VPS35: variants seen among roughly 807,000 people sequenced by gnomAD.
The protein encoded by VPS35 is vacuolar protein sorting-associated protein 35.
A neutral mutation model predicts 98.1 loss-of-function variants in VPS35; 21 were observed. The ratio of observed to expected loss-of-function variants is 0.21; its 90% CI spans 0.15 to 0.31. The LOEUF (loss-of-function observed/expected upper bound fraction) is 0.31. Among genes scored for constraint, VPS35 ranks in the 10% least tolerant of loss-of-function variants. The pLI is 1.00. For synonymous variants in VPS35, 268 were observed against 318.2 expected, an observed-to-expected ratio of 0.84 and a Z score of 1.68; for missense variants, 554 against 950.8, an observed-to-expected ratio of 0.58 and a Z score of 5.49.
In VPS35 at chr16:46,661,519, C is replaced by G; in HGVS notation, c.2211+199G>C. The G allele has an allele frequency of 1.1e-5, 6 of 538,340 alleles. No homozygotes were observed. Among genetic ancestry groups the G allele is most frequent in the Non-Finnish European group, 1.3e-5 (4 of 318,966 alleles). 33.3% of individuals were successfully genotyped at this position (538,340 alleles called of 1,614,324 possible). On this transcript the variant is annotated intron_variant, in intron 16 of 16. Transcript: ENST00000299138. This position sits in a 1 kb window ranked among gnomAD's most constrained non-coding sequence, Gnocchi z 4.3. ...TGCTGGGATTACAGGCATGAGCCAC[C>G]ACGCCCAGCCTAGGAATTATCTTAA...
chr16:46,669,040 C>T lies in VPS35; in HGVS notation c.1537G>A (p.Ala513Thr), dbSNP rs1966030135. 6.2e-7 allele frequency: 1 copy of T among 1,614,080 alleles called. No homozygotes were observed. Among genetic ancestry groups the T allele is most frequent in the African/African-American group, 1.3e-5 (1 of 75,042 alleles). ...CCACCAGCTCCAAAATGTTTTCGTG[C>T]TGTGTTCAAAATCTGACCCAAAAGC... ...PDQQYLILNT[A>T]RKHFGAGGNQ... The change falls in exon 13 of 17, where the codon GCA (alanine) becomes ACA (threonine). Residue 513 changes from alanine (A) to threonine (T), a missense_variant. Around this residue, in one of 5 missense-constraint regions of VPS35, gnomAD observed 254 missense variants for 390.1 expected, o/e 0.65. Transcript: ENST00000299138.
chr16:46,663,132 T>C lies in VPS35; in HGVS notation c.1678A>G (p.Ile560Val). 1.2e-6 allele frequency: 2 copies of C among 1,614,120 alleles called. No individual in the cohort carries two copies. Among genetic ancestry groups the C allele is most frequent in the Non-Finnish European group, 1.7e-6 (2 of 1,180,004 alleles). The stretch of plus-strand genomic sequence containing the variant: ...ATAGTCTGGTGGGCAAATGAAAAAA[T>C]CTTCTGGCATTTCTTTTCCCATTTG... Reference protein sequence around the residue: ...DDKWEKKCQKIFSFAHQTISA... With the variant: ...DDKWEKKCQKVFSFAHQTISA... The change falls in exon 14 of 17, where the codon ATT becomes GTT. Residue 560 changes from isoleucine to valine, a missense_variant. Ile to Val is a conservative substitution (Grantham distance 29, BLOSUM62 3). Coordinates refer to ENST00000299138, the MANE Select transcript of VPS35 (RefSeq NM_018206.6).
At chr16:46,669,209 G>T in intron 12 of VPS35, 157 bp from the exon 13 acceptor site, 2 of 930,612 alleles carry the variant, frequency 2.1e-6, no homozygotes, top group Non-Finnish European at 3.3e-6. Flanking sequence ...ATCTCCTCAA[G>T]TTGTCACAAC....
In VPS35 at chr16:46,674,326, A is replaced by G. The variant is rs770335442; in HGVS notation, c.1148T>C (p.Leu383Pro). 1.9e-6 allele frequency: 3 copies of G among 1,614,084 alleles called. No individual in the cohort carries two copies. The highest frequency in any genetic ancestry group is 1.7e-6 in the Non-Finnish European group (2 of 1,179,994). Reference sequence around the variant, plus strand: ...GTAACTGACTTACTGTTCAAGGTTGAGCTTATTGAATATCTCCACTGTTGT... The same window carrying G: ...GTAACTGACTTACTGTTCAAGGTTGGGCTTATTGAATATCTCCACTGTTGT... The part of the protein sequence containing the change: ...LETTVEIFNK[L>P]NLEHIATSSA... The change falls in exon 10 of 17, where the codon CTC (leucine) becomes CCC (proline). Residue 383 changes from leucine to proline, a missense_variant. Physicochemically the swap from Leu to Pro is moderately conservative, Grantham distance 98 (BLOSUM62 -3). Coordinates refer to ENST00000299138, the MANE Select transcript of VPS35 (RefSeq NM_018206.6).
chr16:46,665,311 A>C (rs1368423629), intron 13 of VPS35, among the ~76,000 whole-genome samples: 3 of 152,182 alleles, frequency 2.0e-5, no homozygotes, highest in Non-Finnish European at 4.4e-5. Flanking sequence ...AGATGGCGAC[A>C]GGCTGGGCAT....
intron 13 of VPS35, among the ~76,000 whole-genome samples, chr16:46,666,605 A>T (rs1965993863): frequency 6.6e-6 from 1 of 152,128 alleles, no homozygotes; most frequent in Non-Finnish European, 1.5e-5. Flanking sequence ...TTGCTATATT[A>T]CCCAGGCTGG....
chr16:46,669,200 TCTC>T (rs1412031673), intron 12 of VPS35, 148 bp from the exon 13 acceptor site: 1 of 1,004,862 alleles, frequency 1.0e-6, no homozygotes, highest in African/African-American at 1.6e-5. Context: ...ATATTTCTTA[TCTC>T]CTCAAGTTGT....
chr16:46,688,210 G>T, intron 1 of VPS35: 1 of 644,828 alleles, frequency 1.6e-6, no homozygotes. Context: ...TATCTACACA[G>T]AGTGAGTAAG....
chr16:46,659,131 A>G lies in VPS35; in HGVS notation c.*1341T>C, dbSNP rs954104826. ...GAGAGGAACTGGGGCCTCTGCCCTC[A>G]AGGAAAGGAACTTAGGCCTCTGCCC... On this transcript the variant is annotated 3_prime_UTR_variant, in exon 17 of 17. Coordinates refer to ENST00000299138, the MANE Select transcript of VPS35 (RefSeq NM_018206.6). 2 of 152,278 alleles carry G rather than the reference A, an allele frequency of 1.3e-5. No homozygotes were observed. Among genetic ancestry groups the G allele is most frequent in the African/African-American group, 2.4e-5 (1 of 41,434 alleles). 9.4% of individuals were successfully genotyped at this position (152,278 alleles called of 1,614,324 possible).
At chr16:46,688,788 T>C (rs1966367684) in intron 1 of VPS35, 2 of 1,326,464 alleles carry the variant, frequency 1.5e-6, no homozygotes, top group Non-Finnish European at 1.9e-6. Flanking sequence ...CGCTCAGACC[T>C]AGGACTACCG....
At chr16:46,678,317 A>G (rs1304808791) in intron 6 of VPS35, among the ~76,000 whole-genome samples, 3 of 145,236 alleles carry the variant, frequency 2.1e-5, no homozygotes, top group African/African-American at 7.5e-5. Flanking sequence ...AAAAAAAAAA[A>G]AAAAAAAAAA....
intron 6 of VPS35, among the ~76,000 whole-genome samples, chr16:46,678,356 A>G (rs1185980154): frequency 6.6e-6 from 1 of 151,520 alleles, no homozygotes; most frequent in Admixed American, 6.6e-5. Flanking sequence ...CATGTTTTAA[A>G]GTTTACAAAC....
At chr16:46,665,228 G>A (rs983283692) in intron 13 of VPS35, among the ~76,000 whole-genome samples, 3 of 152,176 alleles carry the variant, frequency 2.0e-5, no homozygotes, top group Admixed American at 1.3e-4. Context: ...TTACAAGCGA[G>A]GTTAAATATT....
intron 8 of VPS35, among the ~76,000 whole-genome samples, chr16:46,675,803 G>T (rs1380749428): frequency 6.6e-6 from 1 of 152,070 alleles, no homozygotes; most frequent in Non-Finnish European, 1.5e-5. Context: ...AGTGGCTCAT[G>T]TCTGTAATCC....
At chr16:46,682,274 T>C in intron 2 of VPS35, 99 bp from the exon 3 acceptor site, 1 of 923,630 alleles carries the variant, frequency 1.1e-6, no homozygotes, top group Non-Finnish European at 1.7e-6. Context: ...TTACATAGTT[T>C]TAAAAGAATA....
chr16:46,672,062 A>G (rs1368134202), intron 11 of VPS35, among the ~76,000 whole-genome samples: 1 of 152,260 alleles, frequency 6.6e-6, no homozygotes, highest in African/African-American at 2.4e-5. Context: ...ATGTTAATTA[A>G]CAGTGGTTAT....
chr16:46,660,609 C>T lies in VPS35; in HGVS notation c.2254G>A (p.Glu752Lys). Residue 752 changes from glutamate (E) to lysine (K), a missense_variant, in exon 17 of 17, where the codon GAA becomes AAA. Physicochemically the swap from Glu to Lys is moderately conservative, Grantham distance 56. This residue lies in a region of VPS35 where 153 missense variants were observed against 211.0 expected (regional missense o/e 0.73). Transcript: ENST00000299138. ...VLNQLIQKIR[E>K]DLPNLESSEE... ...CTGGATTCAAGATTCGGGAGGTCTTCTCGAATCTTTTGGATAAGCTGGTTT... is the reference window on the plus strand; with the variant it reads ...CTGGATTCAAGATTCGGGAGGTCTTTTCGAATCTTTTGGATAAGCTGGTTT... 6.2e-7 allele frequency: 1 copy of T among 1,613,968 alleles called. No homozygotes were observed. The highest frequency in any genetic ancestry group is 8.5e-7 in the Non-Finnish European group (1 of 1,179,990).
rs1567465695 is a variant in VPS35 at position 46,657,848 on chromosome 16, CAT to C, written c.*2622_*2623del. 1 of 152,184 alleles carries C rather than the reference CAT, an allele frequency of 6.6e-6. No homozygotes were observed. Among genetic ancestry groups the C allele is most frequent in the African/African-American group, 2.4e-5 (1 of 41,412 alleles). 9.4% of individuals were successfully genotyped at this position (152,184 alleles called of 1,614,324 possible). A position where few individuals can be genotyped will look rare whatever the true frequency, so the allele number is the denominator to read the frequency against. Reference sequence around the variant, plus strand: ...ATCCCCTAGTCTTGGAATTTAATGCCATTCAGCACCAAGCCTGCCCTGGTTCA... The same window carrying C: ...ATCCCCTAGTCTTGGAATTTAATGCCTCAGCACCAAGCCTGCCCTGGTTCA... On this transcript the variant is annotated 3_prime_UTR_variant, in exon 17 of 17. Transcript: ENST00000299138.
chr16:46,689,094 G>A (rs2143009886), intron 1 of VPS35, 37 bp downstream of exon 1: 1 of 1,604,430 alleles, frequency 6.2e-7, no homozygotes, highest in Non-Finnish European at 8.5e-7. Context: ...GCTACAAGGA[G>A]GGTCGACCCA....
Sources: allele counts gnomAD v4.1 joint callset (sites outside exome capture counted in the v4.1 genomes callset), GRCh38; gene constraint gnomAD v4.1.1; regional missense constraint gnomAD v4.1.1; non-coding constraint Gnocchi (gnomAD v3.1); transcripts MANE v1.5; gene names NCBI Gene and HGNC (gene_info 2026-07-23, HGNC 2026-07-21).